The following NCS1 variants were observed in gnomAD, a reference collection of about 807,000 sequenced individuals.
The protein encoded by NCS1 is neuronal calcium sensor 1.
In NCS1, 6 loss-of-function variants were observed where a neutral mutation model predicts 28.4. That is an observed-to-expected ratio of 0.21 (90% CI 0.12 to 0.42). The LOEUF (loss-of-function observed/expected upper bound fraction) is 0.42, where lower values mean the gene tolerates loss of function less well. NCS1 is among the 10% of genes least tolerant of loss of function. The pLI is 1.00. For synonymous variants in NCS1, 86 were observed against 99.3 expected (o/e 0.87, Z 0.79); for missense variants, 131 against 241.4 (o/e 0.54, Z 3.03).
At chr9:130,189,449 A>G (rs938877113) in intron 1 of NCS1, among the ~76,000 whole-genome samples, 17 of 152,184 alleles carry the variant, frequency 1.1e-4, no homozygotes, top group African/African-American at 4.1e-4. Context: ...TGCTTGTGGA[A>G]TGGGACTGAT....
rs1832490688 is a variant in NCS1 at position 130,172,423 on chromosome 9, G to C, written c.-241G>C. ...GAGCCCAGTAACCAGGGACGACCGC[G>C]GCCACACCGCGCCGGCGCCGGCGCC... On this transcript the variant is annotated 5_prime_UTR_variant, in exon 1 of 8. Coordinates refer to ENST00000372398, the MANE Select transcript of NCS1 (RefSeq NM_014286.4). Among the ~76,000 whole-genome samples the C allele has an allele frequency of 6.9e-6, 1 of 145,830 alleles. No individual in the cohort carries two copies. Among genetic ancestry groups the C allele is most frequent in the Non-Finnish European group, 1.5e-5 (1 of 65,680 alleles).
In NCS1 at chr9:130,215,725, G is replaced by A. The variant is rs1554909251; in HGVS notation, c.90-2107G>A. Among the ~76,000 whole-genome samples, 4 of 152,156 alleles carry A rather than the reference G, an allele frequency of 2.6e-5. No individual in the cohort carries two copies. Among genetic ancestry groups the A allele is most frequent in the Non-Finnish European group, 4.4e-5 (3 of 68,040 alleles). ...GGCTGCTATTATGGGCTGTTACAAA[G>A]GCCTGTGGTTCCTGAGCCAGGACCT... is the stretch of plus-strand genomic sequence containing the variant. On this transcript the variant is annotated intron_variant, in intron 2 of 7. Transcript: ENST00000372398. This position sits in a 1 kb window ranked among gnomAD's most constrained non-coding sequence, Gnocchi z 4.2.
At chr9:130,210,586 G>C (rs1385719159) in intron 2 of NCS1, among the ~76,000 whole-genome samples, 1 of 151,948 alleles carries the variant, frequency 6.6e-6, no homozygotes, top group Non-Finnish European at 1.5e-5. Context: ...CATGGCCAGT[G>C]CTCAGGACGT....
intron 1 of NCS1, chr9:130,200,404 A>G (rs1420511171): frequency 1.6e-6 from 1 of 635,078 alleles, no homozygotes; most frequent in Non-Finnish European, 2.8e-6. Context: ...GGCTCTGTTC[A>G]TGTCTTGCCA....
intron 1 of NCS1, among the ~76,000 whole-genome samples, chr9:130,182,056 TG>T (rs1198208754): frequency 1.3e-5 from 2 of 151,754 alleles, no homozygotes; most frequent in Non-Finnish European, 2.9e-5. Context: ...GTATTGTGGT[TG>T]GGGGGAGATG....
intron 1 of NCS1, chr9:130,200,336 T>C (rs1263263226): frequency 5.3e-6 from 3 of 560,966 alleles, no homozygotes; most frequent in African/African-American, 1.9e-5. Context: ...AGAATGGGTA[T>C]GTGGGCTTGG....
At position 130,181,078 on chromosome 9, in the gene NCS1, C is replaced by G. The variant is rs994496470; in HGVS notation, c.64+8351C>G. 6.6e-6 allele frequency among the ~76,000 whole-genome samples: 1 copy of G among 152,162 alleles called. No individual in the cohort carries two copies. Among genetic ancestry groups the G allele is most frequent in the South Asian group, 2.1e-4 (1 of 4,832 alleles). ...TTGGAGTCACTAGTTCCCTCTGGGA[C>G]TCAGTTTCCCTTTCTGTACCATGTT... is the stretch of plus-strand genomic sequence containing the variant. On this transcript the variant is annotated intron_variant, in intron 1 of 7. Coordinates refer to ENST00000372398, the MANE Select transcript of NCS1 (RefSeq NM_014286.4). This position sits in a 1 kb window ranked among gnomAD's most constrained non-coding sequence, Gnocchi z 5.0.
intron 7 of NCS1, among the ~76,000 whole-genome samples, chr9:130,228,692 G>A (rs1212185896): frequency 1.3e-5 from 2 of 149,156 alleles, no homozygotes; most frequent in African/African-American, 4.9e-5. Flanking sequence ...TTTGAGACAG[G>A]GTCTCACTCC....
intron 7 of NCS1, among the ~76,000 whole-genome samples, chr9:130,231,632 C>A (rs1177053764): frequency 6.6e-6 from 1 of 152,060 alleles, no homozygotes; most frequent in Non-Finnish European, 1.5e-5. Flanking sequence ...GATCCGCGTA[C>A]CTTGGCTTCC....
Position 130,223,099 on chromosome 9 carries a change from C to T in NCS1, c.414C>T (p.Leu138=). ...CCCTGCAGGGGAATACCGTGGAGCT[C>T]CCAGAGGAGGAGAACACTCCTGAGA... is the stretch of plus-strand genomic sequence containing the variant. The part of the protein sequence containing the change: ...IYQMVGNTVE[L]PEEENTPEKR... Residue 138 remains leucine, a synonymous_variant, in exon 6 of 8, where the codon CTC becomes CTT. Transcript: ENST00000372398. The T allele has an allele frequency of 1.2e-6, 2 of 1,613,914 alleles. No homozygotes were observed. Among genetic ancestry groups the T allele is most frequent in the Non-Finnish European group, 8.5e-7 (1 of 1,179,978 alleles).
In NCS1 at chr9:130,235,320, A is replaced by C. The variant is rs1554912844; in HGVS notation, c.*2348A>C. 6.6e-6 allele frequency: 1 copy of C among 152,424 alleles called. No individual in the cohort carries two copies. The highest frequency in any genetic ancestry group is 1.9e-4 in the East Asian group (1 of 5,182). The allele number at this position is 152,424 out of a possible 1,614,324, so 9.4% of individuals were successfully genotyped here. ...CTGGGGTCTGGGGCAGGGAACGAAC[A>C]TGGTGGCTTTGGGCTGAGAGGATGA... On this transcript the variant is annotated 3_prime_UTR_variant, in exon 8 of 8. Coordinates refer to ENST00000372398, the MANE Select transcript of NCS1 (RefSeq NM_014286.4).
In NCS1 at chr9:130,219,273, C is replaced by T. The variant is rs1425670455; in HGVS notation, c.229-452C>T. Among the ~76,000 whole-genome samples the T allele has an allele frequency of 2.0e-5, 3 of 152,030 alleles. No individual in the cohort carries two copies. The highest frequency in any genetic ancestry group is 1.9e-4 in the East Asian group (1 of 5,174). On this transcript the variant is annotated intron_variant, in intron 3 of 7. Transcript: ENST00000372398. This position sits in a 1 kb window ranked among gnomAD's most constrained non-coding sequence, Gnocchi z 5.7. Reference sequence around the variant, plus strand: ...GTCACATGCCTGACCCTGGGAAGGGCTCTTCCCTTCTTGGGCCTCGGTTTC... The same window carrying T: ...GTCACATGCCTGACCCTGGGAAGGGTTCTTCCCTTCTTGGGCCTCGGTTTC...
intron 2 of NCS1, among the ~76,000 whole-genome samples, chr9:130,217,252 CT>C (rs1833203914): frequency 6.6e-6 from 1 of 152,198 alleles, no homozygotes; most frequent in Non-Finnish European, 1.5e-5. Flanking sequence ...GGCACTGGGA[CT>C]GCAGGGTGGA....
Position 130,225,454 on chromosome 9 carries a change from G to A in NCS1, c.475-935G>A, listed in dbSNP as rs10122548. Reference sequence around the variant, plus strand: ...TAAGTTTCTCGTGGTGTGCGTCCACGTGGCTTAAGGCCAAGGCCGCACATT... The same window carrying A: ...TAAGTTTCTCGTGGTGTGCGTCCACATGGCTTAAGGCCAAGGCCGCACATT... On this transcript the variant is annotated intron_variant, in intron 6 of 7. Coordinates refer to ENST00000372398, the MANE Select transcript of NCS1 (RefSeq NM_014286.4). Among the ~76,000 whole-genome samples, 633 of 152,386 alleles carry A rather than the reference G, an allele frequency of 4.2e-3. 3 individuals are homozygous for A. The highest frequency in any genetic ancestry group is 0.015 in the African/African-American group (605 of 41,592).
At chr9:130,172,809 G>A in intron 1 of NCS1, 82 bp downstream of exon 1, 1 of 587,100 alleles carries the variant, frequency 1.7e-6, no homozygotes, top group Non-Finnish European at 2.2e-6. Context: ...GGACCCGCGC[G>A]CTACCCGCTC....
chr9:130,224,271 A>G (rs1485000066), intron 6 of NCS1, among the ~76,000 whole-genome samples: 32 of 147,370 alleles, frequency 2.2e-4, no homozygotes, highest in African/African-American at 8.0e-4. Context: ...CCTGGCCAAC[A>G]TGGTGAATCC....
At chr9:130,203,138 T>TATA (rs1564708297) in intron 2 of NCS1, among the ~76,000 whole-genome samples, 32 of 61,350 alleles carry the variant, frequency 5.2e-4, no homozygotes, top group South Asian at 1.2e-3. Flanking sequence ...ATATATATAT[T>TATA]TTTTTTTTTT....
At position 130,233,680 on chromosome 9, in the gene NCS1, G is replaced by C. The variant is rs1254162768; in HGVS notation, c.*708G>C. The C allele has an allele frequency of 1.3e-5, 2 of 152,388 alleles. No individual in the cohort carries two copies. The highest frequency in any genetic ancestry group is 2.9e-5 in the Non-Finnish European group (2 of 68,006). The allele number at this position is 152,388 out of a possible 1,614,324, so 9.4% of individuals were successfully genotyped here. ...TGGTTGTTAACTGTTGCTGCTGCCT[G>C]GTGTGTCCTCAGCTCCCAGGGCTGC... On this transcript the variant is annotated 3_prime_UTR_variant, in exon 8 of 8. Transcript: ENST00000372398. This position sits in a 1 kb window ranked among gnomAD's most constrained non-coding sequence, Gnocchi z 4.8.
At chr9:130,182,089 T>C (rs1554905186) in intron 1 of NCS1, among the ~76,000 whole-genome samples, 1 of 151,938 alleles carries the variant, frequency 6.6e-6, no homozygotes, top group Non-Finnish European at 1.5e-5. Context: ...GACCACCGTT[T>C]ACCCAGTGGG....
Sources: allele counts gnomAD v4.1 joint callset (sites outside exome capture counted in the v4.1 genomes callset), GRCh38; gene constraint gnomAD v4.1.1; non-coding constraint Gnocchi (gnomAD v3.1); transcripts MANE v1.5; gene names NCBI Gene and HGNC (gene_info 2026-07-23, HGNC 2026-07-21).